Variants in KAT6B observed in about 807,000 individuals in gnomAD.
KAT6B encodes lysine acetyltransferase 6B.
KAT6B carries 10 observed loss-of-function variants against 187.5 expected under a neutral mutation model. The observed-to-expected ratio is 0.05, with a 90% CI of 0.03 to 0.09. KAT6B has a LOEUF of 0.09. Among genes scored for constraint, KAT6B ranks in the 10% least tolerant of loss-of-function variants. KAT6B has a pLI of 1.00. For missense variants in KAT6B, 1,952 were observed against 2,558.9 expected, an observed-to-expected ratio of 0.76 and a Z score of 5.12; for synonymous variants, 861 against 926.8, an observed-to-expected ratio of 0.93 and a Z score of 1.29.
rs750507488 is a variant in KAT6B, at chr10:75,029,644, C to T, written c.4820C>T (p.Pro1607Leu). 1.9e-6 allele frequency: 3 copies of T among 1,614,194 alleles called. No homozygotes were observed. The highest frequency in any genetic ancestry group is 2.5e-6 in the Non-Finnish European group (3 of 1,180,032). The change falls in exon 18 of 18, where the codon CCT becomes CTT. Residue 1607 changes from proline to leucine, a missense_variant. Pro to Leu is a moderately conservative substitution (Grantham distance 98, BLOSUM62 -3). Transcript: ENST00000287239. This position sits in a 1 kb window ranked among gnomAD's most constrained non-coding sequence, Gnocchi z 6.2. ...CCAGTTTCATCCGTCCACTCCCATC[C>T]TGGCCAGTCCGTACGTTCTGTCAAC... is the stretch of plus-strand genomic sequence containing the variant. ...SSPVSSVHSHPGQSVRSVNSP... is the reference protein window; with the variant it reads ...SSPVSSVHSHLGQSVRSVNSP...
chr10:74,942,464 A>G lies in KAT6B; in HGVS notation c.622-17506A>G, dbSNP rs1443288279. Among the ~76,000 whole-genome samples the G allele has an allele frequency of 2.0e-5, 3 of 152,080 alleles. 1 individual carries two copies. The highest frequency in any genetic ancestry group is 4.1e-4 in the South Asian group (2 of 4,832). On this transcript the variant is annotated intron_variant, in intron 3 of 17. Coordinates refer to ENST00000287239, the MANE Select transcript of KAT6B (RefSeq NM_012330.4). ...AACTTTTGTCAACCTGATAAAAGACATTTATAAAAAGCCATATCTGGCTGG... is the reference window on the plus strand; with the variant it reads ...AACTTTTGTCAACCTGATAAAAGACGTTTATAAAAAGCCATATCTGGCTGG...
At chr10:74,960,163 T>A in intron 4 of KAT6B, 85 bp downstream of exon 4, 2 of 946,572 alleles carry the variant, frequency 2.1e-6, no homozygotes, top group Non-Finnish European at 3.5e-6. Flanking sequence ...AAAACTGTAT[T>A]GTTATTTAAG....
At chr10:74,839,535 C>T (rs1333984284) in intron 2 of KAT6B, among the ~76,000 whole-genome samples, 1 of 152,074 alleles carries the variant, frequency 6.6e-6, no homozygotes, top group African/African-American at 2.4e-5. Flanking sequence ...CCCGGCTATG[C>T]ATTTTGTTTT....
Position 74,985,190 on chromosome 10 carries a change from C to G in KAT6B, c.2484C>G (p.Val828=), listed in dbSNP as rs1361596777. The G allele has an allele frequency of 1.2e-6, 2 of 1,613,866 alleles. No homozygotes were observed. Among genetic ancestry groups the G allele is most frequent in the East Asian group, 2.2e-5 (1 of 44,868 alleles). The change falls in exon 12 of 18, where the codon GTC becomes GTG. Residue 828 remains valine, a synonymous_variant. Coordinates refer to ENST00000287239, the MANE Select transcript of KAT6B (RefSeq NM_012330.4). ...ATGTCGAGCCATTCCTTTTTTATGT[C>G]CTTACAAAAAATGATGAAAAGGGCT... ...YYDVEPFLFY[V]LTKNDEKGCH...
chr10:74,989,370 C>T (rs994688287), intron 13 of KAT6B, among the ~76,000 whole-genome samples: 15 of 152,100 alleles, frequency 9.9e-5, no homozygotes, highest in African/African-American at 3.1e-4. Flanking sequence ...CTGAATGAAC[C>T]GACAGAATTA....
At chr10:74,938,281 T>G (rs984983699) in intron 3 of KAT6B, among the ~76,000 whole-genome samples, 20 of 152,134 alleles carry the variant, frequency 1.3e-4, no homozygotes, top group Non-Finnish European at 2.9e-4. Flanking sequence ...TAACAGGACG[T>G]TAAAAGATGT....
Position 75,029,599 on chromosome 10 carries a change from A to G in KAT6B, c.4775A>G (p.Gln1592Arg). 1 of 1,614,148 alleles carries G rather than the reference A, an allele frequency of 6.2e-7. No homozygotes were observed. Among genetic ancestry groups the G allele is most frequent in the Non-Finnish European group, 8.5e-7 (1 of 1,180,024 alleles). The change falls in exon 18 of 18, where the codon CAA becomes CGA. Residue 1592 changes from glutamine to arginine, a missense_variant. Around this residue, in one of 9 missense-constraint regions of KAT6B, gnomAD observed 758 missense variants for 891.4 expected, o/e 0.85. Transcript: ENST00000287239. This position sits in a 1 kb window ranked among gnomAD's most constrained non-coding sequence, Gnocchi z 6.2. ...PQIATTLDDC[Q>R]QSDHSSPVSS... ...ATTGCCACCACGCTCGACGATTGCCAACAGTCGGACCACAGTAGCCCAGTT... is the reference window on the plus strand; with the variant it reads ...ATTGCCACCACGCTCGACGATTGCCGACAGTCGGACCACAGTAGCCCAGTT...
intron 10 of KAT6B, among the ~76,000 whole-genome samples, chr10:74,980,142 G>C (rs941503129): frequency 5.3e-5 from 8 of 152,304 alleles, no homozygotes; most frequent in African/African-American, 1.9e-4. Flanking sequence ...TCAGGTGACA[G>C]ACCAAGATCC....
chr10:74,855,022 C>T (rs912878648), intron 3 of KAT6B, among the ~76,000 whole-genome samples: 4 of 152,204 alleles, frequency 2.6e-5, no homozygotes, highest in African/African-American at 7.2e-5. Flanking sequence ...GTCCAGTATA[C>T]ACTTCTCACC....
chr10:75,027,259 A>G (rs1231719652), intron 17 of KAT6B, among the ~76,000 whole-genome samples: 1 of 152,234 alleles, frequency 6.6e-6, no homozygotes, highest in Non-Finnish European at 1.5e-5. Context: ...TCAAGGAAAC[A>G]TTCTACATCA....
intron 13 of KAT6B, among the ~76,000 whole-genome samples, chr10:74,992,405 C>G (rs1203490967): frequency 1.3e-5 from 2 of 152,188 alleles, no homozygotes; most frequent in Non-Finnish European, 2.9e-5. Context: ...ATCTACCAAC[C>G]ATCATAGCTT....
intron 3 of KAT6B, among the ~76,000 whole-genome samples, chr10:74,936,982 T>C (rs1849319935): frequency 6.6e-6 from 1 of 152,244 alleles, no homozygotes; most frequent in South Asian, 2.1e-4. Context: ...TTCCTAGTGA[T>C]AGAAATTGAT....
In KAT6B at chr10:74,843,297, C is replaced by G; in HGVS notation, c.440C>G (p.Ala147Gly). The G allele has an allele frequency of 6.2e-7, 1 of 1,613,724 alleles. No individual in the cohort carries two copies. The highest frequency in any genetic ancestry group is 8.5e-7 in the Non-Finnish European group (1 of 1,179,860). Residue 147 changes from alanine (A) to glycine (G), a missense_variant, in exon 3 of 18, where the codon GCC becomes GGC. This residue lies in a region of KAT6B where 218 missense variants were observed against 282.6 expected (regional missense o/e 0.77). Coordinates refer to ENST00000287239, the MANE Select transcript of KAT6B (RefSeq NM_012330.4). ...SDLTSTTNNP[A>G]FQQRLRLGAK... ...CTCACAAGCACCACCAACAACCCAG[C>G]CTTTCAGCAGCGGCTGCGACTGGGG...
chr10:74,907,912 T>C (rs1589596642), intron 3 of KAT6B, among the ~76,000 whole-genome samples: 3 of 152,324 alleles, frequency 2.0e-5, no homozygotes, highest in Admixed American at 2.0e-4. Flanking sequence ...TTTTGAATAT[T>C]TGTCCCCTCC....
Position 74,976,018 on chromosome 10 carries a change from G to A in KAT6B, c.1681G>A (p.Gly561Arg). The change falls in exon 8 of 18, where the codon GGA (glycine) becomes AGA (arginine). Residue 561 changes from glycine to arginine, a missense_variant. By Grantham distance (125) the Gly-to-Arg change is moderately radical. This residue lies in a region of KAT6B where 417 missense variants were observed against 508.9 expected (regional missense o/e 0.82). Transcript: ENST00000287239. ...YTTQGQSRKK[G>R]HPSYAPPKRM... ...CACTCAGGGACAGTCTCGCAAAAAGGGACACCCGAGTTATGCACCACCCAA... is the reference window on the plus strand; with the variant it reads ...CACTCAGGGACAGTCTCGCAAAAAGAGACACCCGAGTTATGCACCACCCAA... 16 of 1,614,096 alleles carry A rather than the reference G, an allele frequency of 9.9e-6. No individual in the cohort carries two copies. The highest frequency in any genetic ancestry group is 1.4e-5 in the Non-Finnish European group (16 of 1,180,016).
chr10:74,896,073 C>G (rs1302702614), intron 3 of KAT6B, among the ~76,000 whole-genome samples: 2 of 151,964 alleles, frequency 1.3e-5, no homozygotes, highest in South Asian at 4.2e-4. Flanking sequence ...TGAAAATGTT[C>G]CAGTCAGCCA....
At chr10:74,963,428 T>G (rs1841240251) in intron 4 of KAT6B, among the ~76,000 whole-genome samples, 1 of 152,154 alleles carries the variant, frequency 6.6e-6, no homozygotes, top group African/African-American at 2.4e-5. Flanking sequence ...CAGTTCAAAA[T>G]TACAGCATCA....
At chr10:75,010,138 A>G (rs1844496698) in intron 13 of KAT6B, among the ~76,000 whole-genome samples, 1 of 152,242 alleles carries the variant, frequency 6.6e-6, no homozygotes, top group African/African-American at 2.4e-5. Flanking sequence ...GGGCTCAGCA[A>G]TAACCCTGGG....
Position 74,979,320 on chromosome 10 carries a change from T to C in KAT6B, c.2212T>C (p.Tyr738His). 2 of 1,611,096 alleles carry C rather than the reference T, an allele frequency of 1.2e-6. No individual in the cohort carries two copies. Among genetic ancestry groups the C allele is most frequent in the South Asian group, 2.2e-5 (2 of 91,002 alleles). The part of the protein sequence containing the change: ...YEIQTWYSSP[Y>H]PQEYARLPKL... ...AATCCAAACCTGGTACTCCTCGCCTTACCCACAGGAATATGCAAGGTAATG... is the reference window on the plus strand; with the variant it reads ...AATCCAAACCTGGTACTCCTCGCCTCACCCACAGGAATATGCAAGGTAATG... The change falls in exon 10 of 18, where the codon TAC (tyrosine) becomes CAC (histidine). Residue 738 changes from tyrosine (Y) to histidine (H), a missense_variant. Tyr to His is a moderately conservative substitution (Grantham distance 83). This residue lies in a region of KAT6B where 87 missense variants were observed against 191.8 expected (regional missense o/e 0.45). Coordinates refer to ENST00000287239, the MANE Select transcript of KAT6B (RefSeq NM_012330.4).
Sources: gnomAD v4.1 joint callset for allele counts (sites outside exome capture counted in the v4.1 genomes callset) on GRCh38, gnomAD v4.1.1 for gene constraint, gnomAD v4.1.1 regional missense constraint, Gnocchi (gnomAD v3.1) non-coding constraint, MANE v1.5 for transcripts, NCBI Gene and HGNC (gene_info 2026-07-23, HGNC 2026-07-21) for gene names.